The following LUZP2 variants were observed in gnomAD, a reference collection of about 807,000 sequenced individuals.
LUZP2 encodes the protein leucine zipper protein 2.
A neutral mutation model predicts 51.6 loss-of-function variants in LUZP2; 52 were observed. That is an observed-to-expected ratio of 1.01 (90% CI 0.81 to 1.27). The LOEUF (loss-of-function observed/expected upper bound fraction) is 1.27. LUZP2 is among the 50% of genes most tolerant of loss of function. The pLI is 0.00. For synonymous variants in LUZP2, 154 were observed against 137.3 expected (o/e 1.12, Z -0.85); for missense variants, 436 against 395.4 (o/e 1.10, Z -0.87).
At chr11:24,625,914 G>GA (rs144350035) in intron 1 of LUZP2, among the ~76,000 whole-genome samples, 30,648 of 151,970 alleles carry the variant, frequency 0.2, 3,801 homozygotes, top group East Asian at 0.33. Context: ...AAACATCTTG[G>GA]AAAAAATCAA....
chr11:25,016,047 A>T (rs1857144483), intron 9 of LUZP2, among the ~76,000 whole-genome samples: 1 of 151,674 alleles, frequency 6.6e-6, no homozygotes, highest in South Asian at 2.1e-4. Context: ...CAGCCTCCTG[A>T]GTAGCTGGGA....
At chr11:24,676,822 T>G in intron 1 of LUZP2, among the ~76,000 whole-genome samples, 1 of 151,858 alleles carries the variant, frequency 6.6e-6, no homozygotes, top group East Asian at 1.9e-4. Context: ...CACCATCATG[T>G]CTGGCTAATG....
At chr11:25,027,110 T>C (rs1857515812) in intron 9 of LUZP2, among the ~76,000 whole-genome samples, 1 of 152,088 alleles carries the variant, frequency 6.6e-6, no homozygotes, top group East Asian at 1.9e-4. Context: ...TACCATTGTA[T>C]ACAAGCAATA....
rs1162396350 is a variant in LUZP2, at chr11:25,080,513, A to G, written c.*1855A>G. ...AAATAATTAGCTTTATGGATGATCCATAGAGCTTTCAGATGAAGTGACTAG... is the reference window on the plus strand; with the variant it reads ...AAATAATTAGCTTTATGGATGATCCGTAGAGCTTTCAGATGAAGTGACTAG... On this transcript the variant is annotated 3_prime_UTR_variant, in exon 12 of 12. Transcript: ENST00000336930. 6.6e-6 allele frequency: 1 copy of G among 152,202 alleles called. No individual in the cohort carries two copies. Among genetic ancestry groups the G allele is most frequent in the African/African-American group, 2.4e-5 (1 of 41,456 alleles). 9.4% of individuals were successfully genotyped at this position (152,202 alleles called of 1,614,324 possible).
intron 1 of LUZP2, among the ~76,000 whole-genome samples, chr11:24,574,950 A>G (rs1324171613): frequency 1.3e-5 from 2 of 152,144 alleles, no homozygotes; most frequent in East Asian, 1.9e-4. Context: ...AGTCAGAAAG[A>G]AACTGATGTA....
At chr11:24,988,279 A>C (rs1366151631) in intron 9 of LUZP2, among the ~76,000 whole-genome samples, 1 of 152,034 alleles carries the variant, frequency 6.6e-6, no homozygotes, top group East Asian at 1.9e-4. Flanking sequence ...TTTCCTTTTC[A>C]ACCTCCTTTT....
intron 5 of LUZP2, among the ~76,000 whole-genome samples, chr11:24,840,242 G>T (rs753275685): frequency 6.6e-6 from 1 of 151,468 alleles, no homozygotes; most frequent in African/African-American, 2.4e-5. Flanking sequence ...TACCTTCCAC[G>T]CTTAGGCTTA....
chr11:24,821,853 A>G lies in LUZP2; in HGVS notation c.396+58545A>G, dbSNP rs139842358. On this transcript the variant is annotated intron_variant, in intron 5 of 11. Transcript: ENST00000336930. Reference sequence around the variant, plus strand: ...AAACCTTTTTCACTGGATGACAATGACATTATATGCCAGAAATATTTATAT... The same window carrying G: ...AAACCTTTTTCACTGGATGACAATGGCATTATATGCCAGAAATATTTATAT... Among the ~76,000 whole-genome samples, 662 of 150,286 alleles carry G rather than the reference A, an allele frequency of 4.4e-3. 6 individuals carry two copies. The highest frequency in any genetic ancestry group is 0.016 in the African/African-American group (634 of 40,708).
chr11:24,675,460 G>C (rs1030033769), intron 1 of LUZP2, among the ~76,000 whole-genome samples: 1 of 152,160 alleles, frequency 6.6e-6, no homozygotes, highest in Admixed American at 6.5e-5. Flanking sequence ...ACATTATGCA[G>C]TGTTTGTAAG....
At chr11:25,020,357 C>A (rs1274736255) in intron 9 of LUZP2, among the ~76,000 whole-genome samples, 4 of 151,990 alleles carry the variant, frequency 2.6e-5, no homozygotes, top group Non-Finnish European at 5.9e-5. Flanking sequence ...GATAATTAAT[C>A]TCCCCATTTA....
At chr11:24,587,923 A>G (rs1853130558) in intron 1 of LUZP2, among the ~76,000 whole-genome samples, 1 of 152,020 alleles carries the variant, frequency 6.6e-6, no homozygotes, top group Non-Finnish European at 1.5e-5. Flanking sequence ...GATTCATTTT[A>G]TTTTCCTTTT....
chr11:24,618,462 AT>A (rs1188331124), intron 1 of LUZP2, among the ~76,000 whole-genome samples: 1 of 151,876 alleles, frequency 6.6e-6, no homozygotes, highest in Non-Finnish European at 1.5e-5. Context: ...ACCATTTTTT[AT>A]TTGCTGTGCT....
chr11:25,054,362 A>G (rs1858614252), intron 10 of LUZP2, among the ~76,000 whole-genome samples: 1 of 152,110 alleles, frequency 6.6e-6, no homozygotes, highest in Non-Finnish European at 1.5e-5. Context: ...TTTATTCTTC[A>G]TGCTTTTGAT....
chr11:24,860,003 G>C lies in LUZP2; in HGVS notation c.397-45988G>C, dbSNP rs769727034. ...TGCCTAAGTCATTTAAGCTCCTGGG[G>C]GAGGGGTAGCAACCGGTGCTAGGAC... On this transcript the variant is annotated intron_variant, in intron 5 of 11. Transcript: ENST00000336930. 5.3e-4 allele frequency among the ~76,000 whole-genome samples: 81 copies of C among 152,206 alleles called. 1 individual carries two copies. The highest frequency in any genetic ancestry group is 3.5e-4 in the Non-Finnish European group (24 of 68,028).
intron 7 of LUZP2, among the ~76,000 whole-genome samples, chr11:24,916,708 C>T (rs1853802348): frequency 6.6e-6 from 1 of 152,124 alleles, no homozygotes; most frequent in Non-Finnish European, 1.5e-5. Flanking sequence ...TGTATATGTG[C>T]CACATTTTCT....
intron 5 of LUZP2, among the ~76,000 whole-genome samples, chr11:24,818,985 A>G (rs975562837): frequency 3.9e-5 from 6 of 152,100 alleles, no homozygotes; most frequent in African/African-American, 1.4e-4. Context: ...ATCCATGAAA[A>G]TGAGTTTTAA....
intron 1 of LUZP2, among the ~76,000 whole-genome samples, chr11:24,500,525 G>T (rs925864450): frequency 6.6e-6 from 1 of 152,126 alleles, no homozygotes; most frequent in Non-Finnish European, 1.5e-5. Context: ...AAGCAGTATA[G>T]GTATTGAAAG....
chr11:25,039,075 C>T (rs1280424535), intron 9 of LUZP2, among the ~76,000 whole-genome samples: 9 of 152,144 alleles, frequency 5.9e-5, no homozygotes, highest in Non-Finnish European at 1.0e-4. Context: ...TCACCAGGTC[C>T]GCTCCTTGGT....
intron 1 of LUZP2, among the ~76,000 whole-genome samples, chr11:24,543,041 C>T (rs1323947742): frequency 6.6e-6 from 1 of 151,790 alleles, no homozygotes; most frequent in South Asian, 2.1e-4. Flanking sequence ...TCTTTATTAC[C>T]GGTGTGTTCA....
Sources: gnomAD v4.1 joint callset for allele counts (sites outside exome capture counted in the v4.1 genomes callset) on GRCh38, gnomAD v4.1.1 for gene constraint, MANE v1.5 for transcripts, NCBI Gene and HGNC (gene_info 2026-07-23, HGNC 2026-07-21) for gene names.